Variants in VASH1 observed in about 807,000 individuals in gnomAD.
VASH1 encodes the protein tubulinyl-Tyr carboxypeptidase 1.
In VASH1, 16 loss-of-function variants were observed where a neutral mutation model predicts 35.0. The ratio of observed to expected loss-of-function variants is 0.46; its 90% CI spans 0.31 to 0.70. VASH1 has a LOEUF of 0.70. Ranked by LOEUF, VASH1 falls within the 30% of genes least tolerant of loss-of-function variation. The probability of loss-of-function intolerance (pLI) is 0.05; values close to 1 mark genes in which losing one functional copy is unlikely to be tolerated. For missense variants in VASH1, 505 were observed against 510.7 expected, an observed-to-expected ratio of 0.99 and a Z score of 0.11; for synonymous variants, 214 against 200.9, an observed-to-expected ratio of 1.07 and a Z score of -0.55.
rs1327326433 is a variant in VASH1, at chr14:76,769,497, AC to A, written c.310-460del. 5.4e-6 allele frequency: 7 copies of A among 1,288,112 alleles called. No individual in the cohort carries two copies. The South Asian group carries it at 6.2e-5, about 11-fold the overall frequency. 79.8% of individuals were successfully genotyped at this position (1,288,112 alleles called of 1,614,324 possible). A position where few individuals can be genotyped will look rare whatever the true frequency, so the allele number is the denominator to read the frequency against. ...GGTGGGTCCCCTACCAAGGATGCTC[AC>A]CCCCCTCAGGACCACTCCCAAAGCC... On this transcript the variant is annotated intron_variant, in intron 1 of 6. Coordinates refer to ENST00000167106, the MANE Select transcript of VASH1 (RefSeq NM_014909.5).
In VASH1 at chr14:76,781,326, C is replaced by T. The variant is rs1002855106; in HGVS notation, c.*2308C>T. On this transcript the variant is annotated 3_prime_UTR_variant, in exon 7 of 7. Coordinates refer to ENST00000167106, the MANE Select transcript of VASH1 (RefSeq NM_014909.5). The stretch of plus-strand genomic sequence containing the variant: ...GGCATGGTGACCCTTGACTCACCAT[C>T]CCATCCCAGCTTTCAGGGAGTGGGG... 2.6e-5 allele frequency: 4 copies of T among 152,280 alleles called. No homozygotes were observed. Among genetic ancestry groups the T allele is most frequent in the African/African-American group, 9.7e-5 (4 of 41,446 alleles). The allele number at this position is 152,280 out of a possible 1,614,324, so 9.4% of individuals were successfully genotyped here.
At position 76,779,618 on chromosome 14, in the gene VASH1, G is replaced by A; in HGVS notation, c.*600G>A. 1 of 617,450 alleles carries A rather than the reference G, an allele frequency of 1.6e-6. No individual in the cohort carries two copies. The highest frequency in any genetic ancestry group is 2.7e-5 in the East Asian group (1 of 36,664). 38.2% of individuals were successfully genotyped at this position (617,450 alleles called of 1,614,324 possible). On this transcript the variant is annotated 3_prime_UTR_variant, in exon 7 of 7. Transcript: ENST00000167106. Reference sequence around the variant, plus strand: ...TCTGCCCCAAGAGCATGAGCTCGTGGCTCAGGAGAGCCTTCAGGCCCTTGA... The same window carrying A: ...TCTGCCCCAAGAGCATGAGCTCGTGACTCAGGAGAGCCTTCAGGCCCTTGA...
chr14:76,779,338 G>C lies in VASH1; in HGVS notation c.*320G>C, dbSNP rs1463834428. 1 of 702,272 alleles carries C rather than the reference G, an allele frequency of 1.4e-6. No homozygotes were observed. Among genetic ancestry groups the C allele is most frequent in the Non-Finnish European group, 2.6e-6 (1 of 384,866 alleles). The allele number at this position is 702,272 out of a possible 1,614,324, so 43.5% of individuals were successfully genotyped here. A position where few individuals can be genotyped will look rare whatever the true frequency, so the allele number is the denominator to read the frequency against. On this transcript the variant is annotated 3_prime_UTR_variant, in exon 7 of 7. Coordinates refer to ENST00000167106, the MANE Select transcript of VASH1 (RefSeq NM_014909.5). ...GTGCTTAACAAATCCATGTGTCATGGGGCCAGGTGAGGGAAACTGCTGGTT... is the reference window on the plus strand; with the variant it reads ...GTGCTTAACAAATCCATGTGTCATGCGGCCAGGTGAGGGAAACTGCTGGTT...
At position 76,764,358 on chromosome 14, in the gene VASH1, T is replaced by C. The variant is rs115247356; in HGVS notation, c.309+1228T>C. 9.1e-3 allele frequency among the ~76,000 whole-genome samples: 1,382 copies of C among 152,350 alleles called. 30 individuals are homozygous for C. Among genetic ancestry groups the C allele is most frequent in the African/African-American group, 0.032 (1,313 of 41,584 alleles). On this transcript the variant is annotated intron_variant, in intron 1 of 6. Coordinates refer to ENST00000167106, the MANE Select transcript of VASH1 (RefSeq NM_014909.5). The stretch of plus-strand genomic sequence containing the variant: ...ATGTGCTCTGCACTGACTTAATATT[T>C]ATTTAGCTAATCCCCTAGAGTTGGA...
intron 3 of VASH1, among the ~76,000 whole-genome samples, chr14:76,771,460 GA>G (rs1457275813): frequency 2.0e-5 from 3 of 152,190 alleles, no homozygotes; most frequent in Non-Finnish European, 4.4e-5. Flanking sequence ...TGATGAAAAG[GA>G]AATCCCGGGT....
Position 76,762,045 on chromosome 14 carries a change from G to C in VASH1, c.-777G>C, listed in dbSNP as rs889046689. ...CTGGGCCTCGGGGCTCGCAGCCTTC[G>C]CCTCCCCGCCGCGCCCGCTCCCTTT... is the stretch of plus-strand genomic sequence containing the variant. On this transcript the variant is annotated 5_prime_UTR_variant, in exon 1 of 7. Coordinates refer to ENST00000167106, the MANE Select transcript of VASH1 (RefSeq NM_014909.5). The C allele has an allele frequency of 6.6e-6, 1 of 152,486 alleles. No individual in the cohort carries two copies. The highest frequency in any genetic ancestry group is 2.4e-5 in the African/African-American group (1 of 41,438). The allele number at this position is 152,486 out of a possible 1,614,324, so 9.4% of individuals were successfully genotyped here. A position where few individuals can be genotyped will look rare whatever the true frequency, so the allele number is the denominator to read the frequency against.
rs1386653070 is a variant in VASH1 at position 76,769,949 on chromosome 14, T to TTC, written c.310-10_310-9dup. 9.9e-6 allele frequency: 16 copies of TTC among 1,613,228 alleles called. No individual in the cohort carries two copies. Among genetic ancestry groups the TTC allele is most frequent in the Non-Finnish European group, 1.3e-5 (15 of 1,179,400 alleles). On this transcript the variant is annotated splice_polypyrimidine_tract_variant and intron_variant, in intron 1 of 6. Transcript: ENST00000167106. ...AGCCTCTTCTTGTGACCGGAGCTCT[T>TTC]TCTCTGTCCCCAGATCCCCATACCG...
rs544843359 is a variant in VASH1 at position 76,782,443 on chromosome 14, T to A, written c.*3425T>A. 1 of 152,350 alleles carries A rather than the reference T, an allele frequency of 6.6e-6. No homozygotes were observed. Among genetic ancestry groups the A allele is most frequent in the East Asian group, 1.9e-4 (1 of 5,184 alleles). 9.4% of individuals were successfully genotyped at this position (152,350 alleles called of 1,614,324 possible). The stretch of plus-strand genomic sequence containing the variant: ...CTGGCTGGTCGAGTGACCAGAGGCC[T>A]GTGTGAATGTGTGCACCTGCTTTTC... On this transcript the variant is annotated 3_prime_UTR_variant, in exon 7 of 7. Coordinates refer to ENST00000167106, the MANE Select transcript of VASH1 (RefSeq NM_014909.5).
At chr14:76,778,834 C>A in intron 6 of VASH1, 112 bp from the exon 7 acceptor site, 1 of 1,039,486 alleles carries the variant, frequency 9.6e-7, no homozygotes, top group Non-Finnish European at 1.5e-6. Flanking sequence ...CGTTGGAGGG[C>A]CACTTGGAGA....
At chr14:76,770,782 C>T (rs1893773111) in intron 2 of VASH1, among the ~76,000 whole-genome samples, 1 of 152,200 alleles carries the variant, frequency 6.6e-6, no homozygotes, top group Non-Finnish European at 1.5e-5. Context: ...CTCCTTCTGC[C>T]AGTGGGGAAA....
chr14:76,763,738 C>G (rs775057931), intron 1 of VASH1, among the ~76,000 whole-genome samples: 4 of 152,110 alleles, frequency 2.6e-5, no homozygotes, highest in Non-Finnish European at 4.4e-5. Context: ...CTCTGTTGGA[C>G]AGTAGATTCA....
At chr14:76,768,297 T>C (rs1421967314) in intron 1 of VASH1, among the ~76,000 whole-genome samples, 1 of 152,188 alleles carries the variant, frequency 6.6e-6, no homozygotes, top group Admixed American at 6.5e-5. Context: ...TTTATCTTGC[T>C]GGTGACTGTA....
rs2242621 is a variant in VASH1, at chr14:76,778,943, C to T, written c.1026-3C>T. The T allele has an allele frequency of 0.11, 181,128 of 1,613,274 alleles. 11,213 individuals carry two copies. Among genetic ancestry groups the T allele is most frequent in the East Asian group, 0.25 (11,275 of 44,864 alleles). On this transcript the variant is annotated splice_region_variant and splice_polypyrimidine_tract_variant and intron_variant, in intron 6 of 6. Coordinates refer to ENST00000167106, the MANE Select transcript of VASH1 (RefSeq NM_014909.5). Reference sequence around the variant, plus strand: ...CTCCCGCTCTGCTCTCTTCCTCCCACAGGCCCTCGGGTGACAAGAAGACTT... The same window carrying T: ...CTCCCGCTCTGCTCTCTTCCTCCCATAGGCCCTCGGGTGACAAGAAGACTT...
At chr14:76,773,249 C>T (rs1442269967) in intron 4 of VASH1, 38 bp downstream of exon 4, 4 of 1,606,574 alleles carry the variant, frequency 2.5e-6, no homozygotes, top group Non-Finnish European at 2.6e-6. Flanking sequence ...GTCCGGGCTT[C>T]TCTGGGCCTC....
In VASH1 at chr14:76,769,130, G is replaced by A. The variant is rs112162993; in HGVS notation, c.310-833G>A. On this transcript the variant is annotated intron_variant, in intron 1 of 6. Coordinates refer to ENST00000167106, the MANE Select transcript of VASH1 (RefSeq NM_014909.5). ...GGAGACTGGAGGCTGAGGGAAGCCTGGGGGTCAGCTGTTCTTGACCTTACC... is the reference window on the plus strand; with the variant it reads ...GGAGACTGGAGGCTGAGGGAAGCCTAGGGGTCAGCTGTTCTTGACCTTACC... Among the ~76,000 whole-genome samples, 5 of 152,328 alleles carry A rather than the reference G, an allele frequency of 3.3e-5. 1 individual carries two copies. The highest frequency in any genetic ancestry group is 1.2e-4 in the African/African-American group (5 of 41,566).
intron 1 of VASH1, among the ~76,000 whole-genome samples, chr14:76,767,559 C>T (rs1036714076): frequency 1.3e-5 from 2 of 152,158 alleles, no homozygotes; most frequent in African/African-American, 4.8e-5. Flanking sequence ...GGTGGCTATA[C>T]CACTCCCCCT....
intron 5 of VASH1, among the ~76,000 whole-genome samples, chr14:76,776,485 G>A (rs1893948863): frequency 6.6e-6 from 1 of 152,162 alleles, no homozygotes; most frequent in African/African-American, 2.4e-5. Context: ...TTTGGATGGT[G>A]GTAGGTGTTG....
chr14:76,770,005 G>C lies in VASH1; in HGVS notation c.352G>C (p.Val118Leu), dbSNP rs1893747865. The C allele has an allele frequency of 6.2e-7, 1 of 1,613,956 alleles. No homozygotes were observed. The highest frequency in any genetic ancestry group is 8.5e-7 in the Non-Finnish European group (1 of 1,179,968). The change falls in exon 2 of 7, where the codon GTC (valine) becomes CTC (leucine). Residue 118 changes from valine to leucine, a missense_variant. Physicochemically the swap from Val to Leu is conservative, Grantham distance 32. Transcript: ENST00000167106. ...SVPTFQPSTP[V>L]PERLEAVQRY... The stretch of plus-strand genomic sequence containing the variant: ...GCCTACGTTCCAGCCGTCTACACCT[G>C]TCCCTGAGCGCCTGGAAGCTGTGCA...
At chr14:76,773,414 A>G in intron 4 of VASH1, 2 of 573,498 alleles carry the variant, frequency 3.5e-6, no homozygotes, top group South Asian at 2.3e-5. Context: ...AGTACCCCAC[A>G]TCTCAGTTGC....
Sources: gnomAD v4.1 joint callset for allele counts (sites outside exome capture counted in the v4.1 genomes callset) on GRCh38, gnomAD v4.1.1 for gene constraint, MANE v1.5 for transcripts, NCBI Gene and HGNC (gene_info 2026-07-23, HGNC 2026-07-21) for gene names.